ARHGAP9: variants seen among roughly 807,000 people sequenced by gnomAD.
ARHGAP9 encodes the protein Rho GTPase activating protein 9, also known as rho GTPase-activating protein 9.
In ARHGAP9, 76 loss-of-function variants were observed where a neutral mutation model predicts 87.3. That is an observed-to-expected ratio of 0.87 (90% CI 0.72 to 1.05). The LOEUF (loss-of-function observed/expected upper bound fraction) is 1.05, where lower values mean the gene tolerates loss of function less well. ARHGAP9 is among the 50% of genes least tolerant of loss of function. The pLI, the probability that ARHGAP9 is intolerant of heterozygous loss-of-function variation, is 0.00. For synonymous variants in ARHGAP9, 382 were observed against 394.9 expected (o/e 0.97, Z 0.39); for missense variants, 941 against 960.5 (o/e 0.98, Z 0.27).
rs1015399937 is a variant in ARHGAP9, at chr12:57,488,632, T to G, written c.-224A>C. 4.5e-6 allele frequency: 7 copies of G among 1,550,906 alleles called. No homozygotes were observed. The Admixed American group carries it at 9.8e-5, about 22-fold the overall frequency. On this transcript the variant is annotated 5_prime_UTR_variant, in exon 1 of 21. Coordinates refer to the ARHGAP9 transcript ENST00000393797. Reference sequence around the variant, plus strand: ...TTTACCTCTTCTCATTCTCAGCCGATTGTTTGGGTGACTCTTAGGAGGTTC... The same window carrying G: ...TTTACCTCTTCTCATTCTCAGCCGAGTGTTTGGGTGACTCTTAGGAGGTTC...
intron 14 of ARHGAP9, 34 bp downstream of exon 14, chr12:57,474,592 C>T: frequency 6.2e-7 from 1 of 1,613,978 alleles, no homozygotes; most frequent in Non-Finnish European, 8.5e-7. Flanking sequence ...GCAAGACATT[C>T]TTAGTACAAC....
chr12:57,476,875 G>A lies in ARHGAP9; in HGVS notation c.959C>T (p.Pro320Leu). The A allele has an allele frequency of 6.2e-7, 1 of 1,613,848 alleles. No homozygotes were observed. Among genetic ancestry groups the A allele is most frequent in the Non-Finnish European group, 8.5e-7 (1 of 1,179,858 alleles). The change falls in exon 6 of 18, where the codon CCC becomes CTC. Residue 320 changes from proline to leucine, a missense_variant. By Grantham distance (98) the Pro-to-Leu change is moderately conservative. Transcript: ENST00000393791. ...PRPLPQLLDDPHEVEKSGLLN... is the reference protein window; with the variant it reads ...PRPLPQLLDDLHEVEKSGLLN... ...ACAAAGAAATGGGAGATTCACATGG[G>A]GGTCGTCCAGGAGCTGCGGCAGAGG...
In ARHGAP9 at chr12:57,475,634, G is replaced by T. The variant is rs773585980; in HGVS notation, c.1312-19C>A. The T allele has an allele frequency of 6.2e-6, 10 of 1,603,346 alleles. No homozygotes were observed. Among genetic ancestry groups the T allele is most frequent in the African/African-American group, 1.3e-5 (1 of 74,576 alleles). ...CCCGATCCTAGACCCGGGGCGGGCC[G>T]TGTCGAAGGTGAGAGAGGAGAGAAA... On this transcript the variant is annotated intron_variant, in intron 10 of 17. Coordinates refer to ENST00000393791, the MANE Select transcript of ARHGAP9 (RefSeq NM_032496.4).
In ARHGAP9 at chr12:57,474,937, T is replaced by C. The variant is rs370660961; in HGVS notation, c.1589A>G (p.Gln530Arg). The C allele has an allele frequency of 1.5e-4, 245 of 1,614,156 alleles. 3 individuals carry two copies. The South Asian group carries it at 2.6e-3, about 17-fold the overall frequency. The change falls in exon 13 of 18, where the codon CAG becomes CGG. Residue 530 changes from glutamine to arginine, a missense_variant. Gln to Arg is a conservative substitution (Grantham distance 43, BLOSUM62 1). Transcript: ENST00000393791. ...GCTGGGCACCGTGTCTCCTTCCCGC[T>C]GGCAGAGTGATTCCAACTGGCAGCC... is the stretch of plus-strand genomic sequence containing the variant. ...VFGCQLESLCQREGDTVPSFL... is the reference protein window; with the variant it reads ...VFGCQLESLCRREGDTVPSFL...
At chr12:57,475,104 A>T in intron 12 of ARHGAP9, 131 bp from the exon 13 acceptor site, 1 of 1,126,056 alleles carries the variant, frequency 8.9e-7, no homozygotes. Flanking sequence ...AAGGAAATAC[A>T]CTCCACCTCC....
chr12:57,476,394 C>A lies in ARHGAP9; in HGVS notation c.1086G>T (p.Glu362Asp). ...LTGNSLVFYR[E>D]PPPTAPSSGW... ...CTGAGGAGGGCGCTGTCGGCGGTGG[C>A]TCTCGGTAGAACACCAGGCTGTTAC... The change falls in exon 8 of 18, where the codon GAG (glutamate) becomes GAT (aspartate). Residue 362 changes from glutamate (E) to aspartate (D), a missense_variant. Physicochemically the swap from Glu to Asp is conservative, Grantham distance 45. Coordinates refer to ENST00000393791, the MANE Select transcript of ARHGAP9 (RefSeq NM_032496.4). The A allele has an allele frequency of 1.2e-6, 2 of 1,614,054 alleles. No individual in the cohort carries two copies. The highest frequency in any genetic ancestry group is 1.7e-6 in the Non-Finnish European group (2 of 1,180,022).
upstream of ARHGAP9, among the ~76,000 whole-genome samples, chr12:57,482,764 C>T (rs558268248): frequency 6.6e-6 from 1 of 151,896 alleles, no homozygotes; most frequent in Non-Finnish European, 1.5e-5. Flanking sequence ...CCATATATGC[C>T]GGGCAGGAAC....
At position 57,474,723 on chromosome 12, in the gene ARHGAP9, T is replaced by C. The variant is rs750385634; in HGVS notation, c.1652-20A>G. The C allele has an allele frequency of 1.9e-6, 3 of 1,613,086 alleles. No individual in the cohort carries two copies. The highest frequency in any genetic ancestry group is 1.7e-5 in the Admixed American group (1 of 59,966). On this transcript the variant is annotated intron_variant, in intron 13 of 17. Coordinates refer to ENST00000393791, the MANE Select transcript of ARHGAP9 (RefSeq NM_032496.4). ...CTAGACCTGGGAGATGAGGAAGGAGTAGATAAGGACTGCTGCTTGAAAGTG... is the reference window on the plus strand; with the variant it reads ...CTAGACCTGGGAGATGAGGAAGGAGCAGATAAGGACTGCTGCTTGAAAGTG...
At position 57,474,154 on chromosome 12, in the gene ARHGAP9, A is replaced by G; in HGVS notation, c.1806T>C (p.Ser602=). The change falls in exon 16 of 18, where the codon AGT becomes AGC. Residue 602 remains serine (S), a synonymous_variant. Transcript: ENST00000393791. ...PGQEGRLDLD[S]TEWDDIHVVT... ...CCACATGAATGTCATCCCACTCAGTACTGTCCAAATCTAACCGACCTTCTG... is the reference window on the plus strand; with the variant it reads ...CCACATGAATGTCATCCCACTCAGTGCTGTCCAAATCTAACCGACCTTCTG... The G allele has an allele frequency of 6.2e-7, 1 of 1,614,076 alleles. No homozygotes were observed. Among genetic ancestry groups the G allele is most frequent in the Non-Finnish European group, 8.5e-7 (1 of 1,179,952 alleles).
chr12:57,486,195 G>A (rs570225962), intron 1 of ARHGAP9, among the ~76,000 whole-genome samples: 35 of 152,098 alleles, frequency 2.3e-4, no homozygotes, highest in Non-Finnish European at 3.4e-4. Context: ...AATAAGAAGC[G>A]TCCCTTTCTC....
rs1376216450 is a variant in ARHGAP9, at chr12:57,473,780, T to C, written c.1919-72A>G. On this transcript the variant is annotated intron_variant, in intron 16 of 17. Coordinates refer to ENST00000393791, the MANE Select transcript of ARHGAP9 (RefSeq NM_032496.4). ...GCTAGGACAGGATGGGTAAATGCACTGCTCTTTCCCACAGGCATGGAAGAC... is the reference window on the plus strand; with the variant it reads ...GCTAGGACAGGATGGGTAAATGCACCGCTCTTTCCCACAGGCATGGAAGAC... The C allele has an allele frequency of 3.6e-6, 5 of 1,379,616 alleles. No individual in the cohort carries two copies. In the African/African-American group the frequency reaches 7.1e-5, roughly 20 times the overall value. The allele number at this position is 1,379,616 out of a possible 1,614,324, so 85.5% of individuals were successfully genotyped here.
chr12:57,488,468 T>G, intron 1 of ARHGAP9: 1 of 1,208,620 alleles, frequency 8.3e-7, no homozygotes, highest in East Asian at 2.6e-5. Flanking sequence ...AAACTGCTCT[T>G]CCCTTCCCAA....
chr12:57,476,625 G>A lies in ARHGAP9; in HGVS notation c.990C>T (p.Asn330=). 1 of 1,614,174 alleles carries A rather than the reference G, an allele frequency of 6.2e-7. No individual in the cohort carries two copies. Among genetic ancestry groups the A allele is most frequent in the East Asian group, 2.2e-5 (1 of 44,878 alleles). The part of the protein sequence containing the change: ...PHEVEKSGLL[N]MTKIAQGGRK... ...GCCCCCCTTGGGCAATCTTGGTCATGTTGAGCAGACCCGACTTTTCCACCT... is the reference window on the plus strand; with the variant it reads ...GCCCCCCTTGGGCAATCTTGGTCATATTGAGCAGACCCGACTTTTCCACCT... Residue 330 remains asparagine, a synonymous_variant, in exon 7 of 18, where the codon AAC becomes AAT. Transcript: ENST00000393791.
At position 57,475,345 on chromosome 12, in the gene ARHGAP9, G is replaced by C; in HGVS notation, c.1498C>G (p.Leu500Val). The change falls in exon 12 of 18, where the codon CTC (leucine) becomes GTC (valine). Residue 500 changes from leucine (L) to valine (V), a missense_variant. Leu to Val is a conservative substitution (Grantham distance 32, BLOSUM62 1). Coordinates refer to ENST00000393791, the MANE Select transcript of ARHGAP9 (RefSeq NM_032496.4). ...TGTAAGGGCGGTCTCTTCGCGATGA[G>C]CCGCTTTAGTTTGTTGCGCACGCGG... ...QNRVRNKLKRLIAKRPPLQSL... is the reference protein window; with the variant it reads ...QNRVRNKLKRVIAKRPPLQSL... 4 of 1,603,712 alleles carry C rather than the reference G, an allele frequency of 2.5e-6. No individual in the cohort carries two copies. Among genetic ancestry groups the C allele is most frequent in the Non-Finnish European group, 3.4e-6 (4 of 1,175,018 alleles).
chr12:57,474,052 A>G lies in ARHGAP9; in HGVS notation c.1908T>C (p.Arg636=). The G allele has an allele frequency of 1.9e-6, 3 of 1,613,844 alleles. No homozygotes were observed. The highest frequency in any genetic ancestry group is 2.5e-6 in the Non-Finnish European group (3 of 1,179,870). Residue 636 remains arginine (R), a synonymous_variant, in exon 16 of 18, where the codon CGT becomes CGC. Coordinates refer to ENST00000393791, the MANE Select transcript of ARHGAP9 (RefSeq NM_032496.4). ...LVPPLLLPHF[R]AALALSESEQ... ...AGCTCCAACCCTTACCAAGGGCAGC[A>G]CGGAAATGGGGCAGCAGCAGTGGTG...
rs33927108 is a variant in ARHGAP9, at chr12:57,479,259, T to G, written c.148A>C (p.Arg50=). 1 of 1,614,060 alleles carries G rather than the reference T, an allele frequency of 6.2e-7. No individual in the cohort carries two copies. Among genetic ancestry groups the G allele is most frequent in the African/African-American group, 1.3e-5 (1 of 74,922 alleles). Residue 50 remains arginine, a synonymous_variant, in exon 2 of 18, where the codon AGG becomes CGG. Coordinates refer to ENST00000393791, the MANE Select transcript of ARHGAP9 (RefSeq NM_032496.4). ...GQQVSLAEGD[R]FLLLRKTNSD... is the part of the protein sequence containing the mutation. ...TTGGTCTTTCGAAGCAGTAGGAACC[T>G]ATCCCCTTCAGCCAGAGACACCTGC...
chr12:57,477,711 C>G, intron 3 of ARHGAP9, 31 bp from the exon 4 acceptor site: 1 of 1,607,388 alleles, frequency 6.2e-7, no homozygotes, highest in African/African-American at 1.3e-5. Context: ...AGGAGGTGGT[C>G]ATTCTGCCTG....
At chr12:57,481,110 C>G (rs148109859), upstream of ARHGAP9, among the ~76,000 whole-genome samples, 1 of 151,998 alleles carries the variant, frequency 6.6e-6, no homozygotes, top group Non-Finnish European at 1.5e-5. Context: ...TTCTCTGAAA[C>G]TCTCTCTCCT....
At chr12:57,486,973 C>T (rs1379310364) in intron 1 of ARHGAP9, among the ~76,000 whole-genome samples, 1 of 150,450 alleles carries the variant, frequency 6.6e-6, no homozygotes, top group African/African-American at 2.4e-5. Flanking sequence ...TAATATTTTA[C>T]TTGTCTACAT....
Sources: allele counts gnomAD v4.1 joint callset (sites outside exome capture counted in the v4.1 genomes callset), GRCh38; gene constraint gnomAD v4.1.1; transcripts MANE v1.5; gene names NCBI Gene and HGNC (gene_info 2026-07-23, HGNC 2026-07-21).